Variants in NRXN3 observed in about 807,000 individuals in gnomAD.
NRXN3 encodes neurexin 3.
A neutral mutation model predicts 137.6 loss-of-function variants in NRXN3; 32 were observed. The observed-to-expected ratio is 0.23, with a 90% CI of 0.18 to 0.31. NRXN3 has a LOEUF of 0.31. NRXN3 is among the 10% of genes least tolerant of loss of function. The pLI is 1.00. For missense variants in NRXN3, 1,574 were observed against 2,062.5 expected (o/e 0.76, Z 4.59); for synonymous variants, 798 against 784.5 (o/e 1.02, Z -0.29).
intron 15 of NRXN3, among the ~76,000 whole-genome samples, chr14:79,155,399 G>A (rs942322972): frequency 3.3e-5 from 5 of 151,772 alleles, no homozygotes; most frequent in African/African-American, 1.2e-4. Flanking sequence ...AAAAGGTACG[G>A]TATTGTCATT....
At chr14:79,590,547 A>G (rs529286159) in intron 16 of NRXN3, among the ~76,000 whole-genome samples, 1 of 152,240 alleles carries the variant, frequency 6.6e-6, no homozygotes, top group South Asian at 2.1e-4. Flanking sequence ...ATGTACCCAC[A>G]AATTAGTCAA....
At chr14:79,732,769 G>A (rs973024039) in intron 19 of NRXN3, among the ~76,000 whole-genome samples, 2 of 152,028 alleles carry the variant, frequency 1.3e-5, no homozygotes, top group Non-Finnish European at 2.9e-5. Context: ...TCTTATATAT[G>A]AGAAAAATTA....
At chr14:79,043,692 G>A (rs2099628673) in intron 15 of NRXN3, among the ~76,000 whole-genome samples, 1 of 152,124 alleles carries the variant, frequency 6.6e-6, no homozygotes, top group Admixed American at 6.5e-5. Context: ...CGGCAGTGTG[G>A]CTTGTGGTTC....
chr14:78,609,018 A>C (rs1421416992), intron 4 of NRXN3, among the ~76,000 whole-genome samples: 3 of 152,146 alleles, frequency 2.0e-5, no homozygotes, highest in Non-Finnish European at 4.4e-5. Context: ...TACTACGGGC[A>C]TTAAGTATGC....
At chr14:78,670,085 CCT>C (rs1433670944) in intron 6 of NRXN3, among the ~76,000 whole-genome samples, 1 of 151,970 alleles carries the variant, frequency 6.6e-6, no homozygotes, top group Non-Finnish European at 1.5e-5. Flanking sequence ...TGTTCAACTC[CCT>C]CTTATGAGTG....
At chr14:79,273,274 T>G (rs1305719005) in intron 15 of NRXN3, among the ~76,000 whole-genome samples, 1 of 151,956 alleles carries the variant, frequency 6.6e-6, no homozygotes, top group Non-Finnish European at 1.5e-5. Context: ...GTTTTCTTGT[T>G]TAGTCTTTTA....
At chr14:78,177,892 G>T (rs751797419) in intron 1 of NRXN3, 1 of 152,426 alleles carries the variant, frequency 6.6e-6, no homozygotes, top group African/African-American at 2.4e-5. Flanking sequence ...AGATGAGATC[G>T]GGCATGTTCA....
chr14:79,475,840 T>G (rs536657757), intron 16 of NRXN3, among the ~76,000 whole-genome samples: 2 of 152,240 alleles, frequency 1.3e-5, no homozygotes, highest in South Asian at 4.1e-4. Context: ...ATTACTGATT[T>G]AAAGACAGCT....
chr14:79,085,176 G>A (rs900893585), intron 15 of NRXN3, among the ~76,000 whole-genome samples: 6 of 152,116 alleles, frequency 3.9e-5, no homozygotes, highest in Admixed American at 6.6e-5. Flanking sequence ...GTAAAAATAA[G>A]GAGTCATGTT....
intron 19 of NRXN3, among the ~76,000 whole-genome samples, chr14:79,783,882 C>T (rs932063451): frequency 2.0e-5 from 3 of 152,066 alleles, no homozygotes; most frequent in African/African-American, 4.8e-5. Context: ...CTCCTCACTG[C>T]CCTTGTAATG....
At chr14:79,509,408 TG>T (rs2096910408) in intron 16 of NRXN3, among the ~76,000 whole-genome samples, 1 of 151,944 alleles carries the variant, frequency 6.6e-6, no homozygotes, top group South Asian at 2.1e-4. Context: ...CCCAGCTACT[TG>T]GGAGGCTGAG....
chr14:78,510,303 TATAATA>T (rs748483440), intron 4 of NRXN3, among the ~76,000 whole-genome samples: 3 of 151,620 alleles, frequency 2.0e-5, no homozygotes, highest in African/African-American at 7.2e-5. Flanking sequence ...ATGAGGAAGC[TATAATA>T]ATAATAATAA....
chr14:78,370,934 G>C (rs191148528), intron 4 of NRXN3, among the ~76,000 whole-genome samples: 2 of 152,300 alleles, frequency 1.3e-5, no homozygotes, highest in African/African-American at 4.8e-5. Context: ...GAGTACCTGT[G>C]TGATACTAGT....
intron 15 of NRXN3, among the ~76,000 whole-genome samples, chr14:79,232,902 ATTG>A (rs1676158746): frequency 6.6e-6 from 1 of 152,198 alleles, no homozygotes. Flanking sequence ...GCTATGTATA[ATTG>A]TTGTCATACA....
At chr14:79,827,203 CT>C (rs1381682147) in intron 20 of NRXN3, among the ~76,000 whole-genome samples, 1 of 152,030 alleles carries the variant, frequency 6.6e-6, no homozygotes, top group Non-Finnish European at 1.5e-5. Flanking sequence ...AGCAAAGGCA[CT>C]TGGTGCCATG....
chr14:78,985,602 G>T (rs186183237), intron 14 of NRXN3, among the ~76,000 whole-genome samples: 108 of 152,302 alleles, frequency 7.1e-4, no homozygotes, highest in African/African-American at 2.4e-3. Context: ...TTCGTCTTTA[G>T]ATTCAATCAA....
At chr14:78,459,820 C>T (rs2094867495) in intron 4 of NRXN3, among the ~76,000 whole-genome samples, 1 of 152,192 alleles carries the variant, frequency 6.6e-6, no homozygotes, top group African/African-American at 2.4e-5. Context: ...CCAAGCAATT[C>T]TCCAATAGAC....
intron 19 of NRXN3, among the ~76,000 whole-genome samples, chr14:79,749,557 G>A (rs779015527): frequency 7.3e-5 from 11 of 151,668 alleles, no homozygotes; most frequent in South Asian, 2.1e-4. Context: ...GTGAGCCACC[G>A]TGCAGTGCCT....
chr14:78,870,971 T>A (rs1054425826), intron 10 of NRXN3, among the ~76,000 whole-genome samples: 3 of 151,280 alleles, frequency 2.0e-5, no homozygotes, highest in African/African-American at 7.3e-5. Flanking sequence ...TACTGATGGA[T>A]TCTTGGGTTG....
Sources: gnomAD v4.1 joint callset for allele counts (sites outside exome capture counted in the v4.1 genomes callset) on GRCh38, gnomAD v4.1.1 for gene constraint, MANE v1.5 for transcripts, NCBI Gene and HGNC (gene_info 2026-07-23, HGNC 2026-07-21) for gene names.